LGSN: variants seen among roughly 807,000 people sequenced by gnomAD.
LGSN encodes lengsin, lens protein with glutamine synthetase domain.
A neutral mutation model predicts 19.5 loss-of-function variants in LGSN; 21 were observed. That is an observed-to-expected ratio of 1.07 (90% CI 0.76 to 1.55). The LOEUF (loss-of-function observed/expected upper bound fraction) is 1.55. LGSN is among the 40% of genes most tolerant of loss of function. The pLI is 0.00. For synonymous variants in LGSN, 257 were observed against 215.6 expected (o/e 1.19, Z -1.68); for missense variants, 673 against 608.5 (o/e 1.11, Z -1.12).
the LGSN span, among the ~76,000 whole-genome samples, chr6:63,470,476 CAA>C: frequency 1.4e-5 from 2 of 139,144 alleles, no homozygotes. Flanking sequence ...TGTCTCAATT[CAA>C]AAAAAAAAAA....
chr6:63,377,344 T>G, the LGSN span, among the ~76,000 whole-genome samples: 1 of 152,328 alleles, frequency 6.6e-6, no homozygotes, highest in South Asian at 2.1e-4. Context: ...AACCATCAAC[T>G]GCATGCCCTG....
intron 3 of LGSN, among the ~76,000 whole-genome samples, chr6:63,283,782 C>A (rs1227220179): frequency 1.3e-5 from 2 of 152,012 alleles, no homozygotes; most frequent in Non-Finnish European, 2.9e-5. Flanking sequence ...CTCACTGCAA[C>A]CTCCGCCTTC....
chr6:63,461,350 C>A, the LGSN span, among the ~76,000 whole-genome samples: 2 of 152,214 alleles, frequency 1.3e-5, no homozygotes, highest in Admixed American at 1.3e-4. Flanking sequence ...TCATGCCCAG[C>A]CTTGTCTGTG....
the LGSN span, among the ~76,000 whole-genome samples, chr6:63,528,352 T>A: frequency 6.6e-6 from 1 of 152,028 alleles, no homozygotes; most frequent in Non-Finnish European, 1.5e-5. Flanking sequence ...TCCCAGCTAC[T>A]CTGGAGGCTG....
At chr6:63,366,189 C>A in the LGSN span, among the ~76,000 whole-genome samples, 1 of 152,070 alleles carries the variant, frequency 6.6e-6, no homozygotes, top group Non-Finnish European at 1.5e-5. Flanking sequence ...TTTAGAAAAC[C>A]CCATCGTCTC....
chr6:63,472,797 C>G, the LGSN span, among the ~76,000 whole-genome samples: 2 of 151,866 alleles, frequency 1.3e-5, no homozygotes, highest in Non-Finnish European at 2.9e-5. Context: ...AAAAATTAGC[C>G]GGGCGTGGTG....
the LGSN span, among the ~76,000 whole-genome samples, chr6:63,365,357 G>C: frequency 6.6e-6 from 1 of 151,976 alleles, no homozygotes; most frequent in Non-Finnish European, 1.5e-5. Context: ...TAAATTCCTG[G>C]ATACACACAC....
chr6:63,492,029 CAAA>C, the LGSN span, among the ~76,000 whole-genome samples: 1 of 126,212 alleles, frequency 7.9e-6, no homozygotes. Context: ...AACTCCATCT[CAAA>C]AAAAAAAAAA....
chr6:63,566,456 G>A, the LGSN span, among the ~76,000 whole-genome samples: 95 of 152,268 alleles, frequency 6.2e-4, no homozygotes, highest in African/African-American at 2.3e-3. Context: ...TGTTCAAGCT[G>A]GTTTGGGTTC....
At position 63,298,240 on chromosome 6, in the gene LGSN, A is replaced by G. The variant is rs115361736; in HGVS notation, c.31-3195T>C. On this transcript the variant is annotated intron_variant, in intron 1 of 3. Transcript: ENST00000370657. ...TGCTCTCTCGAATCAACTGGGGATC[A>G]TGGGTAAGTTGTCTCTCAGATTATG... Among the ~76,000 whole-genome samples the G allele has an allele frequency of 2.9e-3, 447 of 152,312 alleles. 3 individuals are homozygous for G. The highest frequency in any genetic ancestry group is 0.01 in the African/African-American group (423 of 41,566).
At chr6:63,325,654 C>T in the LGSN span, among the ~76,000 whole-genome samples, 1 of 152,132 alleles carries the variant, frequency 6.6e-6, no homozygotes, top group Non-Finnish European at 1.5e-5. Context: ...AAGCCGCAGA[C>T]CCTCACGGTG....
the LGSN span, among the ~76,000 whole-genome samples, chr6:63,511,990 T>A: frequency 6.6e-6 from 1 of 152,018 alleles, no homozygotes; most frequent in African/African-American, 2.4e-5. Flanking sequence ...AGGATACTTA[T>A]TTTACTATAT....
chr6:63,568,860 T>C, the LGSN span, among the ~76,000 whole-genome samples: 15 of 152,296 alleles, frequency 9.8e-5, no homozygotes, highest in African/African-American at 3.6e-4. Context: ...AATATGGGTA[T>C]GGGAACTTAC....
intron 1 of LGSN, among the ~76,000 whole-genome samples, chr6:63,306,432 A>G (rs1459884121): frequency 1.3e-5 from 2 of 152,224 alleles, no homozygotes; most frequent in East Asian, 3.8e-4. Flanking sequence ...TTGTATTTTT[A>G]TAACTCTTTT....
chr6:63,525,879 G>C, the LGSN span, among the ~76,000 whole-genome samples: 1 of 152,168 alleles, frequency 6.6e-6, no homozygotes, highest in East Asian at 1.9e-4. Context: ...TGATACAAAT[G>C]TTAATATTTG....
chr6:63,534,886 A>C, the LGSN span, among the ~76,000 whole-genome samples: 1 of 148,708 alleles, frequency 6.7e-6, no homozygotes. Flanking sequence ...AACATGGTGA[A>C]ATTTCTTTAC....
the LGSN span, among the ~76,000 whole-genome samples, chr6:63,437,703 C>T: frequency 2.5e-4 from 38 of 152,058 alleles, no homozygotes; most frequent in African/African-American, 5.5e-4. Context: ...GAGGCTGAGG[C>T]GGGCGGATTT....
At chr6:63,434,069 T>C in the LGSN span, among the ~76,000 whole-genome samples, 1 of 152,104 alleles carries the variant, frequency 6.6e-6, no homozygotes, top group African/African-American at 2.4e-5. Flanking sequence ...TACCACACTT[T>C]AGTCTGAAAG....
At chr6:63,354,696 T>G in the LGSN span, among the ~76,000 whole-genome samples, 3 of 152,174 alleles carry the variant, frequency 2.0e-5, no homozygotes, top group Admixed American at 6.6e-5. Flanking sequence ...ACATATTTAT[T>G]CCAGCACTAT....
Sources: gnomAD v4.1 joint callset for allele counts (sites outside exome capture counted in the v4.1 genomes callset) on GRCh38, gnomAD v4.1.1 for gene constraint, MANE v1.5 for transcripts, NCBI Gene and HGNC (gene_info 2026-07-23, HGNC 2026-07-21) for gene names.